BCL9L: variants seen among roughly 807,000 people sequenced by gnomAD.
The protein encoded by BCL9L is B-cell CLL/lymphoma 9-like protein.
In BCL9L, 19 loss-of-function variants were observed where a neutral mutation model predicts 99.4. That is an observed-to-expected ratio of 0.19 (90% CI 0.13 to 0.28). The LOEUF (loss-of-function observed/expected upper bound fraction) is 0.28. BCL9L is among the 10% of genes least tolerant of loss of function. The probability of loss-of-function intolerance (pLI) is 1.00; values close to 1 mark genes in which losing one functional copy is unlikely to be tolerated. For missense variants in BCL9L, 2,023 were observed against 2,101.6 expected, an observed-to-expected ratio of 0.96 and a Z score of 0.73; for synonymous variants, 900 against 854.8, an observed-to-expected ratio of 1.05 and a Z score of -0.92.
rs555442453 is a variant in BCL9L, at chr11:118,902,662, C to T, written c.1081G>A (p.Ala361Thr). The T allele has an allele frequency of 7.5e-6, 12 of 1,599,384 alleles. No homozygotes were observed. The highest frequency in any genetic ancestry group is 3.3e-4 in the Middle Eastern group (2 of 6,056). The change falls in exon 8 of 10, where the codon GCC becomes ACC. Residue 361 changes from alanine (A) to threonine (T), a missense_variant. Transcript: ENST00000683865. The surrounding 1 kb of genome is among the most constrained non-coding windows in gnomAD (Gnocchi z 7.8). ...THPNTPTATT[A>T]NNPLPPGGDP... ...CCTCCAGGAGGCAGAGGGTTGTTGGCGGTGGTAGCCGTCGGGGTGTTAGGG... is the reference window on the plus strand; with the variant it reads ...CCTCCAGGAGGCAGAGGGTTGTTGGTGGTGGTAGCCGTCGGGGTGTTAGGG...
chr11:118,915,039 G>A (rs1940921961), intron 2 of BCL9L, among the ~76,000 whole-genome samples: 1 of 152,130 alleles, frequency 6.6e-6, no homozygotes, highest in Non-Finnish European at 1.5e-5. Context: ...AGGAGGCTGA[G>A]GCAGAGAATT....
In BCL9L at chr11:118,908,428, T is replaced by A. The variant is rs1467123838; in HGVS notation, c.254A>T (p.Asn85Ile). ...ACTTGAGTTGCTAGGCGAGATCTGG[T>A]TGGCCTTGGCCCCATGGTTCCCCGC... ...VGAGNHGAKA[N>I]QISPSNSSLK... Residue 85 changes from asparagine (N) to isoleucine (I), a missense_variant, in exon 4 of 10, where the codon AAC (asparagine) becomes ATC (isoleucine). Transcript: ENST00000683865. The A allele has an allele frequency of 6.2e-7, 1 of 1,614,066 alleles. No homozygotes were observed. Among genetic ancestry groups the A allele is most frequent in the South Asian group, 1.1e-5 (1 of 91,084 alleles).
In BCL9L at chr11:118,902,800, C is replaced by T; in HGVS notation, c.943G>A (p.Gly315Ser). The T allele has an allele frequency of 6.4e-7, 1 of 1,560,138 alleles. No homozygotes were observed. The highest frequency in any genetic ancestry group is 2.3e-5 in the East Asian group (1 of 44,172). Residue 315 changes from glycine to serine, a missense_variant, in exon 8 of 10, where the codon GGC becomes AGC. Physicochemically the swap from Gly to Ser is moderately conservative, Grantham distance 56. Coordinates refer to ENST00000683865, the MANE Select transcript of BCL9L (RefSeq NM_001378213.1). This position sits in a 1 kb window ranked among gnomAD's most constrained non-coding sequence, Gnocchi z 7.8. Reference sequence around the variant, plus strand: ...GGGGGCAGAGCAGGCGGGGCACTGCCAGGGGCCGGGGGTGGCGGCGGCGGC... The same window carrying T: ...GGGGGCAGAGCAGGCGGGGCACTGCTAGGGGCCGGGGGTGGCGGCGGCGGC... The part of the protein sequence containing the change: ...PLPPPPPPAP[G>S]SAPPALPPEG...
At position 118,923,514 on chromosome 11, in the gene BCL9L, C is replaced by G. The variant is rs1014296554; in HGVS notation, c.-131+1724G>C. Reference sequence around the variant, plus strand: ...GTGGACTGCCAATCCCTCTCTAGGACCCTGTAGTATCTCTCCGGTCCCATG... The same window carrying G: ...GTGGACTGCCAATCCCTCTCTAGGAGCCTGTAGTATCTCTCCGGTCCCATG... On this transcript the variant is annotated intron_variant, in intron 1 of 9. Transcript: ENST00000683865. Among the ~76,000 whole-genome samples the G allele has an allele frequency of 2.6e-5, 4 of 152,166 alleles. 1 individual carries two copies. Among genetic ancestry groups the G allele is most frequent in the Admixed American group, 2.6e-4 (4 of 15,284 alleles).
intron 2 of BCL9L, chr11:118,911,281 C>G (rs550796399): frequency 6.6e-6 from 3 of 455,354 alleles, no homozygotes; most frequent in African/African-American, 2.0e-5. Flanking sequence ...GTGACAGGCC[C>G]GGCCAGACAC....
Position 118,902,762 on chromosome 11 carries a change from A to G in BCL9L, c.981T>C (p.Pro327=). Reference sequence around the variant, plus strand: ...GGGCCAGGTCCTGACTGCTGTCCTCAGGAGGCCCCTCTGGGGGCAGAGCAG... The same window carrying G: ...GGGCCAGGTCCTGACTGCTGTCCTCGGGAGGCCCCTCTGGGGGCAGAGCAG... The part of the protein sequence containing the change: ...APPALPPEGP[P]EDSSQDLAPN... Residue 327 remains proline (P), a synonymous_variant, in exon 8 of 10, where the codon CCT becomes CCC. Transcript: ENST00000683865. This position sits in a 1 kb window ranked among gnomAD's most constrained non-coding sequence, Gnocchi z 7.8. 1 of 1,588,104 alleles carries G rather than the reference A, an allele frequency of 6.3e-7. No individual in the cohort carries two copies. Among genetic ancestry groups the G allele is most frequent in the Non-Finnish European group, 8.5e-7 (1 of 1,174,700 alleles).
chr11:118,900,160 C>T lies in BCL9L; in HGVS notation c.3163G>A (p.Ala1055Thr). 6.2e-7 allele frequency: 1 copy of T among 1,609,994 alleles called. No individual in the cohort carries two copies. The highest frequency in any genetic ancestry group is 8.5e-7 in the Non-Finnish European group (1 of 1,177,156). The stretch of plus-strand genomic sequence containing the variant: ...CCGCTGGGAGGGTTGGCGGGAGGTG[C>T]TGAGGAGCTGCTCCGGGGGCCGCTA... Reference protein sequence around the residue: ...PPSGPRSSSSAPPANPPSGLM... With the variant: ...PPSGPRSSSSTPPANPPSGLM... Residue 1055 changes from alanine to threonine, a missense_variant, in exon 9 of 10, where the codon GCA becomes ACA. By Grantham distance (58) the Ala-to-Thr change is moderately conservative. Coordinates refer to ENST00000683865, the MANE Select transcript of BCL9L (RefSeq NM_001378213.1). This position sits in a 1 kb window ranked among gnomAD's most constrained non-coding sequence, Gnocchi z 5.3.
At chr11:118,899,665 G>A (rs1940120137) in intron 9 of BCL9L, among the ~76,000 whole-genome samples, 157 bp from the exon 10 acceptor site, 1 of 152,152 alleles carries the variant, frequency 6.6e-6, no homozygotes, top group Non-Finnish European at 1.5e-5. Flanking sequence ...TGGAGGCATT[G>A]ATGCTAGAAG....
intron 2 of BCL9L, among the ~76,000 whole-genome samples, chr11:118,915,026 C>G (rs796337295): frequency 6.6e-6 from 1 of 152,278 alleles, no homozygotes; most frequent in African/African-American, 2.4e-5. Flanking sequence ...ATCCTAGCTA[C>G]TCAGGAGGCT....
intron 2 of BCL9L, among the ~76,000 whole-genome samples, chr11:118,918,314 C>T (rs1415180677): frequency 6.6e-6 from 1 of 150,900 alleles, no homozygotes; most frequent in African/African-American, 2.5e-5. Context: ...TGTGTACACG[C>T]ACGCATGTGT....
In BCL9L at chr11:118,902,362, C is replaced by G; in HGVS notation, c.1381G>C (p.Gly461Arg). The G allele has an allele frequency of 7.4e-7, 1 of 1,353,830 alleles. No individual in the cohort carries two copies. Among genetic ancestry groups the G allele is most frequent in the Non-Finnish European group, 9.7e-7 (1 of 1,028,748 alleles). 83.9% of individuals were successfully genotyped at this position (1,353,830 alleles called of 1,614,324 possible). ...PQQPPTAPPSGLKKYEEPLQS... is the reference protein window; with the variant it reads ...PQQPPTAPPSRLKKYEEPLQS... The stretch of plus-strand genomic sequence containing the variant: ...AAGGGTTCCTCATATTTCTTCAGCC[C>G]GCTGGGAGGGGCCGTGGGTGGCTGC... Residue 461 changes from glycine to arginine, a missense_variant, in exon 8 of 10, where the codon GGG (glycine) becomes CGG (arginine). Transcript: ENST00000683865. This position sits in a 1 kb window ranked among gnomAD's most constrained non-coding sequence, Gnocchi z 7.8.
Position 118,900,537 on chromosome 11 carries a change from C to G in BCL9L, c.3124+82G>C. The G allele has an allele frequency of 6.6e-7, 1 of 1,517,716 alleles. No individual in the cohort carries two copies. Among genetic ancestry groups the G allele is most frequent in the Non-Finnish European group, 8.8e-7 (1 of 1,138,282 alleles). The allele number at this position is 1,517,716 out of a possible 1,614,324, so 94.0% of individuals were successfully genotyped here. A position where few individuals can be genotyped will look rare whatever the true frequency, so the allele number is the denominator to read the frequency against. On this transcript the variant is annotated intron_variant, in intron 8 of 9. Transcript: ENST00000683865. The surrounding 1 kb of genome is among the most constrained non-coding windows in gnomAD (Gnocchi z 5.3). ...GGCCCGTGGTACACAGGCCCTTACT[C>G]ACTCACTGCCCAGCCCCAGCATGGA... is the stretch of plus-strand genomic sequence containing the variant.
chr11:118,905,167 C>G (rs1206576496), intron 5 of BCL9L, among the ~76,000 whole-genome samples: 2 of 152,284 alleles, frequency 1.3e-5, no homozygotes, highest in African/African-American at 2.4e-5. Flanking sequence ...CAGAACTAGT[C>G]CTGTCAATGT....
Position 118,908,418 on chromosome 11 carries a change from C to A in BCL9L, c.264G>T (p.Ser88=), listed in dbSNP as rs199693235. The A allele has an allele frequency of 2.4e-5, 38 of 1,613,920 alleles. No individual in the cohort carries two copies. Among genetic ancestry groups the A allele is most frequent in the African/African-American group, 4.0e-5 (3 of 74,928 alleles). Residue 88 remains serine (S), a synonymous_variant, in exon 4 of 10, where the codon TCG becomes TCT. Transcript: ENST00000683865. The stretch of plus-strand genomic sequence containing the variant: ...GGTTCTTCAGACTTGAGTTGCTAGG[C>A]GAGATCTGGTTGGCCTTGGCCCCAT... ...GNHGAKANQI[S]PSNSSLKNPQ...
rs749556601 is a variant in BCL9L, at chr11:118,900,639, G to A, written c.3104C>T (p.Thr1035Ile). The change falls in exon 8 of 10, where the codon ACC (threonine) becomes ATC (isoleucine). Residue 1035 changes from threonine to isoleucine, a missense_variant. Thr to Ile is a moderately conservative substitution (Grantham distance 89). This residue lies in a region of BCL9L where 902 missense variants were observed against 888.2 expected (regional missense o/e 1.02). Transcript: ENST00000683865. The surrounding 1 kb of genome is among the most constrained non-coding windows in gnomAD (Gnocchi z 5.3). Reference sequence around the variant, plus strand: ...CTCACCCTGTTCCATGTTGCTCAGGGTGGTGGAAGAGTTCATGTTGAGAGG... The same window carrying A: ...CTCACCCTGTTCCATGTTGCTCAGGATGGTGGAAGAGTTCATGTTGAGAGG... The part of the protein sequence containing the change: ...QPPLNMNSST[T>I]LSNMEQGTLP... 7 of 1,610,752 alleles carry A rather than the reference G, an allele frequency of 4.3e-6. No homozygotes were observed. In the South Asian group the frequency reaches 6.6e-5, roughly 15 times the overall value.
chr11:118,903,276 A>G lies in BCL9L; in HGVS notation c.709T>C (p.Ser237Pro), dbSNP rs947498036. The change falls in exon 6 of 10, where the codon TCG (serine) becomes CCG (proline). Residue 237 changes from serine to proline, a missense_variant. By Grantham distance (74) the Ser-to-Pro change is moderately conservative. Around this residue, in one of 3 missense-constraint regions of BCL9L, gnomAD observed 1,116 missense variants for 1,194.6 expected, o/e 0.93. Coordinates refer to ENST00000683865, the MANE Select transcript of BCL9L (RefSeq NM_001378213.1). The surrounding 1 kb of genome is among the most constrained non-coding windows in gnomAD (Gnocchi z 5.6). ...GTGGTGAAGACATATACGAACTGCG[A>G]GGGAGGCTTTCCGGGGACGCCCCCG... Reference protein sequence around the residue: ...GGGGVPGKPPSQFVYVFTTHL... With the variant: ...GGGGVPGKPPPQFVYVFTTHL... The G allele has an allele frequency of 2.5e-6, 4 of 1,585,804 alleles. No individual in the cohort carries two copies. The East Asian group carries it at 6.8e-5, about 27-fold the overall frequency.
rs1339787728 is a variant in BCL9L at position 118,903,653 on chromosome 11, G to A, written c.533-201C>T. On this transcript the variant is annotated intron_variant, in intron 5 of 9. Transcript: ENST00000683865. The surrounding 1 kb of genome is among the most constrained non-coding windows in gnomAD (Gnocchi z 5.6). ...TGGAGAGCAGGGACAGAGAAAATGTGTCCTCTCCACAGGCTCCCATGGGCC... is the reference window on the plus strand; with the variant it reads ...TGGAGAGCAGGGACAGAGAAAATGTATCCTCTCCACAGGCTCCCATGGGCC... Among the ~76,000 whole-genome samples, 1 of 152,208 alleles carries A rather than the reference G, an allele frequency of 6.6e-6. No individual in the cohort carries two copies. Among genetic ancestry groups the A allele is most frequent in the Non-Finnish European group, 1.5e-5 (1 of 68,040 alleles).
In BCL9L at chr11:118,898,004, G is replaced by A. The variant is rs766322113; in HGVS notation, c.*411C>T. ...GGTGGAGCTCCAGCAATGCGGACAC[G>A]AGGAGACAGGAGCAGAAGGGGCTGG... On this transcript the variant is annotated 3_prime_UTR_variant, in exon 10 of 10. Coordinates refer to ENST00000683865, the MANE Select transcript of BCL9L (RefSeq NM_001378213.1). The A allele has an allele frequency of 7.3e-6, 3 of 410,984 alleles. No individual in the cohort carries two copies. Among genetic ancestry groups the A allele is most frequent in the African/African-American group, 2.1e-5 (1 of 48,608 alleles). The allele number at this position is 410,984 out of a possible 1,614,324, so 25.5% of individuals were successfully genotyped here.
At chr11:118,917,581 C>T (rs929536775) in intron 2 of BCL9L, among the ~76,000 whole-genome samples, 2 of 152,168 alleles carry the variant, frequency 1.3e-5, no homozygotes, top group Admixed American at 1.3e-4. Flanking sequence ...GTCCTCTGAA[C>T]GATGACGAAA....
Sources: gnomAD v4.1 joint callset for allele counts (sites outside exome capture counted in the v4.1 genomes callset) on GRCh38, gnomAD v4.1.1 for gene constraint, gnomAD v4.1.1 regional missense constraint, Gnocchi (gnomAD v3.1) non-coding constraint, MANE v1.5 for transcripts, NCBI Gene and HGNC (gene_info 2026-07-23, HGNC 2026-07-21) for gene names.